SEMA6D: variants seen among roughly 807,000 people sequenced by gnomAD.
SEMA6D encodes the protein semaphorin-6D.
A neutral mutation model predicts 106.6 loss-of-function variants in SEMA6D; 35 were observed. The ratio of observed to expected loss-of-function variants is 0.33; its 90% confidence interval spans 0.25 to 0.44. SEMA6D has a LOEUF of 0.44. Ranked by LOEUF, SEMA6D falls within the 20% of genes least tolerant of loss-of-function variation. The probability of loss-of-function intolerance (pLI) is 1.00; values close to 1 mark genes in which losing one functional copy is unlikely to be tolerated. For synonymous variants in SEMA6D, 499 were observed against 487.7 expected (o/e 1.02, Z -0.31); for missense variants, 1,185 against 1,345.9 (o/e 0.88, Z 1.87).
intron 4 of SEMA6D, among the ~76,000 whole-genome samples, chr15:47,701,661 TA>T (rs1347620282): frequency 2.0e-5 from 3 of 152,184 alleles, no homozygotes; most frequent in Non-Finnish European, 2.9e-5. Context: ...TAAATAAAGT[TA>T]AAATTAAAAA....
At chr15:47,762,383 G>A (rs894396277) in intron 8 of SEMA6D, 64 bp downstream of exon 8, 5 of 1,579,106 alleles carry the variant, frequency 3.2e-6, no homozygotes, top group Non-Finnish European at 4.3e-6. Flanking sequence ...GGGGACAGCA[G>A]CCACGGCCAT....
intron 1 of SEMA6D, among the ~76,000 whole-genome samples, chr15:47,253,552 G>C (rs768159787): frequency 2.0e-5 from 3 of 152,078 alleles, no homozygotes; most frequent in Non-Finnish European, 4.4e-5. Context: ...AAGAAATAAG[G>C]GTCTAGTTTC....
chr15:47,280,479 C>T (rs1239259684), intron 1 of SEMA6D, among the ~76,000 whole-genome samples: 1 of 144,228 alleles, frequency 6.9e-6, no homozygotes, highest in African/African-American at 2.6e-5. Flanking sequence ...AAAAAACCAG[C>T]TCCTGGATTC....
At chr15:47,753,268 G>A (rs1214537924) in intron 1 of SEMA6D, among the ~76,000 whole-genome samples, 1 of 152,118 alleles carries the variant, frequency 6.6e-6, no homozygotes, top group African/African-American at 2.4e-5. Flanking sequence ...GATGCTATTT[G>A]TAGTTGATGA....
intron 1 of SEMA6D, among the ~76,000 whole-genome samples, chr15:47,290,372 A>C (rs993498034): frequency 1.3e-5 from 2 of 152,136 alleles, no homozygotes; most frequent in Admixed American, 6.5e-5. Flanking sequence ...CAACACTTCC[A>C]TGGGAATTAA....
chr15:47,682,982 G>A (rs1028423049), intron 4 of SEMA6D, among the ~76,000 whole-genome samples: 2 of 152,192 alleles, frequency 1.3e-5, no homozygotes, highest in Non-Finnish European at 2.9e-5. Context: ...CAGTGAGCAC[G>A]TTCAGGTTTA....
intron 1 of SEMA6D, among the ~76,000 whole-genome samples, chr15:47,364,795 A>G (rs2038953172): frequency 6.7e-6 from 1 of 148,676 alleles, no homozygotes; most frequent in South Asian, 2.2e-4. Context: ...GATTCAGGAC[A>G]CAAATGATTC....
At chr15:47,326,192 A>G (rs528278540) in intron 1 of SEMA6D, among the ~76,000 whole-genome samples, 1 of 152,338 alleles carries the variant, frequency 6.6e-6, no homozygotes, top group Admixed American at 6.5e-5. Context: ...CCATGAAAAT[A>G]ACTGGAACTC....
intron 1 of SEMA6D, among the ~76,000 whole-genome samples, chr15:47,336,242 G>A (rs886393801): frequency 6.6e-6 from 1 of 152,168 alleles, no homozygotes; most frequent in Non-Finnish European, 1.5e-5. Flanking sequence ...GAATGGACAT[G>A]GTAACTGATT....
chr15:47,285,655 T>C (rs1217642118), intron 1 of SEMA6D, among the ~76,000 whole-genome samples: 1 of 152,090 alleles, frequency 6.6e-6, no homozygotes, highest in Non-Finnish European at 1.5e-5. Flanking sequence ...TCCTGAAGGG[T>C]AGACAACGAG....
At chr15:47,352,960 C>T (rs17288827) in intron 1 of SEMA6D, among the ~76,000 whole-genome samples, 1,684 of 152,270 alleles carry the variant, frequency 0.011, 12 homozygotes, top group Non-Finnish European at 0.014. Flanking sequence ...ACCTTAATAT[C>T]TAACATGTGA....
intron 4 of SEMA6D, among the ~76,000 whole-genome samples, chr15:47,643,202 C>G (rs778572292): frequency 6.6e-6 from 1 of 152,174 alleles, no homozygotes; most frequent in African/African-American, 2.4e-5. Context: ...TAGAATATAC[C>G]ACATGCAGTA....
At chr15:47,375,410 A>G (rs2039415302) in intron 1 of SEMA6D, among the ~76,000 whole-genome samples, 1 of 151,278 alleles carries the variant, frequency 6.6e-6, no homozygotes, top group African/African-American at 2.4e-5. Context: ...CCATTTTTCT[A>G]TTTTCTTTTC....
At chr15:47,485,843 G>A (rs1019138802) in intron 3 of SEMA6D, among the ~76,000 whole-genome samples, 1 of 152,130 alleles carries the variant, frequency 6.6e-6, no homozygotes, top group African/African-American at 2.4e-5. Flanking sequence ...GTTAATATGA[G>A]GAAAATAATA....
At chr15:47,634,317 G>A (rs893034885) in intron 4 of SEMA6D, among the ~76,000 whole-genome samples, 10 of 152,128 alleles carry the variant, frequency 6.6e-5, no homozygotes, top group Non-Finnish European at 1.0e-4. Flanking sequence ...GCACCAACTT[G>A]CTTTCATTGT....
At chr15:47,535,970 C>G (rs778179408) in intron 3 of SEMA6D, among the ~76,000 whole-genome samples, 2 of 152,024 alleles carry the variant, frequency 1.3e-5, no homozygotes, top group Non-Finnish European at 2.9e-5. Flanking sequence ...GGCAAGAAGG[C>G]AGGAAACGTG....
intron 16 of SEMA6D, 83 bp from the exon 17 acceptor site, chr15:47,766,954 C>G: frequency 4.5e-6 from 3 of 665,964 alleles, no homozygotes; most frequent in South Asian, 2.4e-5. Flanking sequence ...TTTTTTTTTA[C>G]TTTTTTAGTT....
chr15:47,450,813 C>T (rs1430990448), intron 2 of SEMA6D, among the ~76,000 whole-genome samples: 2 of 152,006 alleles, frequency 1.3e-5, no homozygotes, highest in Non-Finnish European at 2.9e-5. Context: ...ACTTTCTTGG[C>T]ATTCAGCCAT....
chr15:47,552,843 A>AAAATATATATAAATATATATATATTTTT (rs2045769383), intron 3 of SEMA6D, among the ~76,000 whole-genome samples: 1 of 79,098 alleles, frequency 1.3e-5, no homozygotes, highest in Non-Finnish European at 2.1e-5. Flanking sequence ...TATATATATA[A>AAAATATATATAAATATATATATATTTTT]ATATATATAA....
Sources: gnomAD v4.1 joint callset for allele counts (sites outside exome capture counted in the v4.1 genomes callset) on GRCh38, gnomAD v4.1.1 for gene constraint, MANE v1.5 for transcripts, NCBI Gene and HGNC (gene_info 2026-07-23, HGNC 2026-07-21) for gene names.